FTO: variants seen among roughly 807,000 people sequenced by gnomAD.
FTO encodes FTO alpha-ketoglutarate dependent dioxygenase.
A neutral mutation model predicts 63.9 loss-of-function variants in FTO; 47 were observed. That is an observed-to-expected ratio of 0.74 (90% confidence interval 0.58 to 0.94). The LOEUF (loss-of-function observed/expected upper bound fraction) is 0.94, where lower values mean the gene tolerates loss of function less well. Ranked by LOEUF, FTO falls within the 40% of genes least tolerant of loss-of-function variation. The pLI is 0.00. For synonymous variants in FTO, 207 were observed against 224.4 expected, an observed-to-expected ratio of 0.92 and a Z score of 0.69; for missense variants, 562 against 618.1, an observed-to-expected ratio of 0.91 and a Z score of 0.96.
At chr16:53,715,803 C>G (rs768971293) in intron 1 of FTO, among the ~76,000 whole-genome samples, 2 of 152,030 alleles carry the variant, frequency 1.3e-5, no homozygotes, top group African/African-American at 4.8e-5. Flanking sequence ...ACTCAGGTGC[C>G]CTCTTGGCAG....
At chr16:53,761,044 C>T (rs957230159) in intron 1 of FTO, among the ~76,000 whole-genome samples, 2 of 150,712 alleles carry the variant, frequency 1.3e-5, no homozygotes, top group Non-Finnish European at 3.0e-5. Flanking sequence ...CTTCTCCCTT[C>T]CTCCCTCCCT....
At chr16:54,106,929 T>C (rs2086769853) in intron 8 of FTO, among the ~76,000 whole-genome samples, 1 of 142,726 alleles carries the variant, frequency 7.0e-6, no homozygotes, top group Non-Finnish European at 1.5e-5. Flanking sequence ...ATATTAAAAG[T>C]ATATGTACCT....
intron 8 of FTO, among the ~76,000 whole-genome samples, chr16:54,036,696 G>A (rs1285803483): frequency 6.6e-6 from 1 of 152,160 alleles, no homozygotes; most frequent in Non-Finnish European, 1.5e-5. Context: ...GTGTCATTTG[G>A]CTTTTTATAA....
rs552785762 is a variant in FTO, at chr16:53,720,541, A to T, written c.45+16312A>T. ...GATACATATCGTGTATAGTGATAAG[A>T]TCAGGATAATTAGCATTTTAATCAT... is the stretch of plus-strand genomic sequence containing the variant. On this transcript the variant is annotated intron_variant, in intron 1 of 8. Transcript: ENST00000471389. Among the ~76,000 whole-genome samples the T allele has an allele frequency of 4.6e-5, 7 of 150,804 alleles. No homozygotes were observed. The East Asian group carries it at 1.4e-3, about 29-fold the overall frequency.
chr16:53,925,100 A>G (rs889138720), intron 7 of FTO, among the ~76,000 whole-genome samples: 1 of 151,788 alleles, frequency 6.6e-6, no homozygotes, highest in African/African-American at 2.4e-5. Context: ...GGAGAGAAAA[A>G]AAGTGTTCCT....
At chr16:53,843,067 T>C (rs1463474718) in intron 3 of FTO, among the ~76,000 whole-genome samples, 1 of 152,218 alleles carries the variant, frequency 6.6e-6, no homozygotes, top group Non-Finnish European at 1.5e-5. Flanking sequence ...CATATTATTT[T>C]TGGTGACTAC....
At chr16:53,899,836 T>C (rs1468823849) in intron 7 of FTO, among the ~76,000 whole-genome samples, 1 of 152,208 alleles carries the variant, frequency 6.6e-6, no homozygotes, top group Non-Finnish European at 1.5e-5. Context: ...GGAAGTCTTT[T>C]GCTAGAACAA....
chr16:54,104,253 G>C (rs966510097), intron 8 of FTO, among the ~76,000 whole-genome samples: 37 of 151,800 alleles, frequency 2.4e-4, no homozygotes, highest in African/African-American at 8.5e-4. Context: ...TGATCTGGCA[G>C]GTGGGTTTTG....
chr16:54,035,265 T>C (rs1338308219), intron 8 of FTO, among the ~76,000 whole-genome samples: 3 of 152,234 alleles, frequency 2.0e-5, no homozygotes, highest in Non-Finnish European at 4.4e-5. Context: ...TCCAAGATCA[T>C]TCACATCCAG....
intron 1 of FTO, among the ~76,000 whole-genome samples, chr16:53,707,966 T>C (rs2075668580): frequency 6.6e-6 from 1 of 152,266 alleles, no homozygotes; most frequent in Non-Finnish European, 1.5e-5. Flanking sequence ...GATGGACTCA[T>C]ACAATATGTG....
chr16:53,977,941 C>T (rs949123845), intron 8 of FTO, among the ~76,000 whole-genome samples: 3 of 152,194 alleles, frequency 2.0e-5, no homozygotes, highest in South Asian at 2.1e-4. Flanking sequence ...TCACTGCAGC[C>T]TCAAACTCCT....
chr16:53,926,853 T>TAA (rs112470627), intron 7 of FTO, among the ~76,000 whole-genome samples: 1 of 148,628 alleles, frequency 6.7e-6, no homozygotes, highest in African/African-American at 2.5e-5. Flanking sequence ...AATTTGGATT[T>TAA]AAAAAAAAAA....
At chr16:53,785,011 CATT>C (rs1231294679) in intron 1 of FTO, among the ~76,000 whole-genome samples, 1 of 152,082 alleles carries the variant, frequency 6.6e-6, no homozygotes, top group Non-Finnish European at 1.5e-5. Flanking sequence ...TAGTAAGTAG[CATT>C]TGGACCTCAC....
At chr16:53,948,862 C>G (rs2082707940) in intron 8 of FTO, among the ~76,000 whole-genome samples, 1 of 152,116 alleles carries the variant, frequency 6.6e-6, no homozygotes, top group Non-Finnish European at 1.5e-5. Flanking sequence ...AAGGAATGAC[C>G]CTGGCTGGGA....
At chr16:54,107,452 A>G (rs898291790) in intron 8 of FTO, among the ~76,000 whole-genome samples, 4 of 152,328 alleles carry the variant, frequency 2.6e-5, no homozygotes, top group Admixed American at 1.3e-4. Context: ...TGGATGGACC[A>G]GCATTCTCTT....
At chr16:53,888,161 G>A (rs530017604) in intron 6 of FTO, among the ~76,000 whole-genome samples, 47 of 151,988 alleles carry the variant, frequency 3.1e-4, no homozygotes, top group Admixed American at 1.0e-3. Context: ...CCTCTCTGGC[G>A]TGAGCTGGGT....
In FTO at chr16:54,112,706, G is replaced by A. The variant is rs1291671087; in HGVS notation, c.*791G>A. 1 of 152,194 alleles carries A rather than the reference G, an allele frequency of 6.6e-6. No homozygotes were observed. The highest frequency in any genetic ancestry group is 2.4e-5 in the African/African-American group (1 of 41,446). The allele number at this position is 152,194 out of a possible 1,614,324, so 9.4% of individuals were successfully genotyped here. ...CTTTGAGTCCTATGCTCAGCACACG[G>A]GAAGGAGATGTTAATAATTAAAATA... On this transcript the variant is annotated 3_prime_UTR_variant, in exon 9 of 9. Coordinates refer to ENST00000471389, the MANE Select transcript of FTO (RefSeq NM_001080432.3).
intron 6 of FTO, among the ~76,000 whole-genome samples, chr16:53,883,254 G>GT (rs772152133): frequency 1.3e-5 from 2 of 152,124 alleles, no homozygotes; most frequent in African/African-American, 4.8e-5. Flanking sequence ...TGACTGTGAT[G>GT]TTTTTTACCA....
At chr16:53,995,590 A>G (rs1236656236) in intron 8 of FTO, among the ~76,000 whole-genome samples, 1 of 152,216 alleles carries the variant, frequency 6.6e-6, no homozygotes, top group African/African-American at 2.4e-5. Context: ...TTTGTCTGCT[A>G]TCTGTGGCGT....
Sources: gnomAD v4.1 joint callset for allele counts (sites outside exome capture counted in the v4.1 genomes callset) on GRCh38, gnomAD v4.1.1 for gene constraint, MANE v1.5 for transcripts, NCBI Gene and HGNC (gene_info 2026-07-23, HGNC 2026-07-21) for gene names.